PDPR: variants seen among roughly 807,000 people sequenced by gnomAD.
PDPR encodes pyruvate dehydrogenase phosphatase regulatory subunit, mitochondrial.
A neutral mutation model predicts 102.2 loss-of-function variants in PDPR; 50 were observed. The observed-to-expected ratio is 0.49, with a 90% CI of 0.39 to 0.62. The LOEUF is 0.62. PDPR is among the 20% of genes least tolerant of loss of function. PDPR has a pLI of 0.00. For synonymous variants in PDPR, 259 were observed against 406.0 expected (o/e 0.64, Z 4.35); for missense variants, 625 against 1,098.2 (o/e 0.57, Z 6.09).
chr16:70,160,387 C>A lies in PDPR; in HGVS notation c.*3508C>A. The A allele has an allele frequency of 6.5e-6, 1 of 153,082 alleles. No homozygotes were observed. Among genetic ancestry groups the A allele is most frequent in the Non-Finnish European group, 1.5e-5 (1 of 68,556 alleles). The allele number at this position is 153,082 out of a possible 1,614,324, so 9.5% of individuals were successfully genotyped here. Reference sequence around the variant, plus strand: ...CTCCTTTCACCTTGCATTGCTGTCACAGCACCTTGTATGATGGCAGGACAG... The same window carrying A: ...CTCCTTTCACCTTGCATTGCTGTCAAAGCACCTTGTATGATGGCAGGACAG... On this transcript the variant is annotated 3_prime_UTR_variant, in exon 19 of 19. Transcript: ENST00000288050.
At chr16:70,148,581 CCTTCA>C (rs757209414) in intron 17 of PDPR, 28 bp downstream of exon 17, 255 of 1,505,720 alleles carry the variant, frequency 1.7e-4, no homozygotes, top group African/African-American at 7.1e-4. Context: ...CCTTCCCTTC[CCTTCA>C]CTTCCCTTCC....
chr16:70,148,590 C>T (rs71399995), intron 17 of PDPR, 37 bp downstream of exon 17: 3 of 211,386 alleles, frequency 1.4e-5, no homozygotes, highest in Non-Finnish European at 2.4e-5. Context: ...CCCTTCACTT[C>T]CCTTCCCTTC....
chr16:70,121,647 A>G (rs1193534532), intron 3 of PDPR, among the ~76,000 whole-genome samples: 1 of 152,066 alleles, frequency 6.6e-6, no homozygotes, highest in Non-Finnish European at 1.5e-5. Context: ...AGCAGAGATC[A>G]TGCCACTGCA....
Position 70,159,784 on chromosome 16 carries a change from A to C in PDPR, c.*2905A>C, listed in dbSNP as rs1728448735. The C allele has an allele frequency of 6.5e-6, 1 of 152,828 alleles. No homozygotes were observed. Among genetic ancestry groups the C allele is most frequent in the African/African-American group, 2.4e-5 (1 of 41,484 alleles). 9.5% of individuals were successfully genotyped at this position (152,828 alleles called of 1,614,324 possible). On this transcript the variant is annotated 3_prime_UTR_variant, in exon 19 of 19. Coordinates refer to ENST00000288050, the MANE Select transcript of PDPR (RefSeq NM_017990.5). Reference sequence around the variant, plus strand: ...TTGAGTGAACAGGGGAGGCCAGTAGATGCCCCAGATCCAGAGCCGTGGCTG... The same window carrying C: ...TTGAGTGAACAGGGGAGGCCAGTAGCTGCCCCAGATCCAGAGCCGTGGCTG...
intron 17 of PDPR, among the ~76,000 whole-genome samples, chr16:70,152,966 C>T (rs1008309322): frequency 9.8e-5 from 15 of 152,364 alleles, no homozygotes; most frequent in South Asian, 2.1e-4. Context: ...TGGGCCAGTA[C>T]GTGAGGGAGT....
At chr16:70,115,962 C>T (rs1962595804) in intron 2 of PDPR, among the ~76,000 whole-genome samples, 1 of 151,996 alleles carries the variant, frequency 6.6e-6, no homozygotes, top group Non-Finnish European at 1.5e-5. Flanking sequence ...AGGCACTAGA[C>T]TCTGGTGCCT....
intron 18 of PDPR, 100 bp from the exon 19 acceptor site, chr16:70,156,374 GC>G: frequency 1.4e-6 from 2 of 1,400,878 alleles, no homozygotes; most frequent in Non-Finnish European, 9.7e-7. Flanking sequence ...AGGCGGCTGT[GC>G]CCCATTGCAG....
intron 6 of PDPR, among the ~76,000 whole-genome samples, chr16:70,130,143 A>G (rs1964389747): frequency 1.3e-5 from 2 of 152,224 alleles, no homozygotes; most frequent in African/African-American, 4.8e-5. Context: ...AAATACTAAA[A>G]TTAGCCGGGC....
Position 70,156,987 on chromosome 16 carries a change from C to T in PDPR, c.*108C>T. ...TGTTCCTCTTCTGGAGCCTTTGCCTCCCATCTCTTATCTCCTTGATATAAT... is the reference window on the plus strand; with the variant it reads ...TGTTCCTCTTCTGGAGCCTTTGCCTTCCATCTCTTATCTCCTTGATATAAT... On this transcript the variant is annotated 3_prime_UTR_variant, in exon 19 of 19. Coordinates refer to ENST00000288050, the MANE Select transcript of PDPR (RefSeq NM_017990.5). 3 of 1,443,548 alleles carry T rather than the reference C, an allele frequency of 2.1e-6. No individual in the cohort carries two copies. Among genetic ancestry groups the T allele is most frequent in the Non-Finnish European group, 2.9e-6 (3 of 1,050,858 alleles). 89.4% of individuals were successfully genotyped at this position (1,443,548 alleles called of 1,614,324 possible).
chr16:70,115,371 C>G (rs1221950255), intron 2 of PDPR, among the ~76,000 whole-genome samples: 1 of 152,206 alleles, frequency 6.6e-6, no homozygotes, highest in Admixed American at 6.5e-5. Context: ...ATTCTCCCGC[C>G]TCAGCCTCCC....
rs1428868995 is a variant in PDPR, at chr16:70,153,374, T to C, written c.2053-17T>C. On this transcript the variant is annotated splice_polypyrimidine_tract_variant and intron_variant, in intron 17 of 18. Transcript: ENST00000288050. ...CTGAAGGTCTGCTGCTTATGAACTT[T>C]CTGTCTCTTCCTATAGTACGCCCTG... 6.2e-7 allele frequency: 1 copy of C among 1,606,068 alleles called. No individual in the cohort carries two copies. The highest frequency in any genetic ancestry group is 8.5e-7 in the Non-Finnish European group (1 of 1,176,178).
chr16:70,156,612 G>A lies in PDPR; in HGVS notation c.2373G>A (p.Arg791=). 1 of 1,614,098 alleles carries A rather than the reference G, an allele frequency of 6.2e-7. No individual in the cohort carries two copies. Among genetic ancestry groups the A allele is most frequent in the South Asian group, 1.1e-5 (1 of 91,086 alleles). The change falls in exon 19 of 19, where the codon CGG becomes CGA. Residue 791 remains arginine (R), a synonymous_variant. Transcript: ENST00000288050. ...CTTGGTGGGGAGAGCCCATTTACCG[G>A]AATGGGCAGTATGTTGGCAAGACCA... ...LWPWWGEPIY[R]NGQYVGKTTS... is the part of the protein sequence containing the mutation.
chr16:70,126,291 A>G (rs549815819), intron 3 of PDPR, among the ~76,000 whole-genome samples: 11 of 152,290 alleles, frequency 7.2e-5, no homozygotes, highest in Admixed American at 1.3e-4. Flanking sequence ...AGCTCACTGC[A>G]GCCGCAAACT....
intron 11 of PDPR, among the ~76,000 whole-genome samples, chr16:70,141,139 T>A (rs1244686842): frequency 6.6e-6 from 1 of 152,226 alleles, no homozygotes; most frequent in Non-Finnish European, 1.5e-5. Flanking sequence ...CTGCAACCTC[T>A]GCCTCCTGGG....
At position 70,143,483 on chromosome 16, in the gene PDPR, T is replaced by A. The variant is rs569770011; in HGVS notation, c.1606-27T>A. ...CAGCCAGGTGCTCTCACGCTCACTC[T>A]CTCTGTTTCATTCCCTAACCCTGCA... is the stretch of plus-strand genomic sequence containing the variant. On this transcript the variant is annotated intron_variant, in intron 13 of 18. Transcript: ENST00000288050. 6.5e-4 allele frequency: 1,048 copies of A among 1,611,026 alleles called. 5 individuals are homozygous for A. The Admixed American group carries it at 0.017, about 26-fold the overall frequency.
chr16:70,156,435 G>T (rs1423777513), intron 18 of PDPR, 40 bp from the exon 19 acceptor site: 2 of 1,604,992 alleles, frequency 1.2e-6, no homozygotes, highest in Non-Finnish European at 1.7e-6. Context: ...CCGAGGGTCT[G>T]AGTGTCGCTG....
chr16:70,143,946 CA>C, intron 14 of PDPR, among the ~76,000 whole-genome samples: 1 of 152,130 alleles, frequency 6.6e-6, no homozygotes, highest in East Asian at 1.9e-4. Context: ...GGCTGGAGTG[CA>C]GTGATGCGAT....
At position 70,131,379 on chromosome 16, in the gene PDPR, G is replaced by C. The variant is rs1207451422; in HGVS notation, c.807G>C (p.Leu269=). 2 of 1,528,486 alleles carry C rather than the reference G, an allele frequency of 1.3e-6. No homozygotes were observed. Among genetic ancestry groups the C allele is most frequent in the Non-Finnish European group, 1.8e-6 (2 of 1,117,984 alleles). The allele number at this position is 1,528,486 out of a possible 1,614,324, so 94.7% of individuals were successfully genotyped here. ...PLHACEHFYL[L]TRPLETPLQS... Reference sequence around the variant, plus strand: ...ATGCCTGCGAACACTTCTACCTCCTGACTCGCCCCTTGGAGACCCCTCTGC... The same window carrying C: ...ATGCCTGCGAACACTTCTACCTCCTCACTCGCCCCTTGGAGACCCCTCTGC... Residue 269 remains leucine (L), a synonymous_variant, in exon 8 of 19, where the codon CTG becomes CTC. Transcript: ENST00000288050.
rs1298603109 is a variant in PDPR at position 70,148,502 on chromosome 16, G to A, written c.2001G>A (p.Met667Ile). The change falls in exon 17 of 19, where the codon ATG becomes ATA. Residue 667 changes from methionine (M) to isoleucine (I), a missense_variant. Around this residue, in one of 11 missense-constraint regions of PDPR, gnomAD observed 36 missense variants for 62.8 expected, o/e 0.57. Transcript: ENST00000288050. ...SVGYANGIRV[M>I]SMTHTGEPGF... The stretch of plus-strand genomic sequence containing the variant: ...GCTATGCAAATGGGATCCGGGTGAT[G>A]AGCATGACGCACACAGGAGAGCCAG... The A allele has an allele frequency of 1.2e-6, 2 of 1,613,610 alleles. No individual in the cohort carries two copies. Among genetic ancestry groups the A allele is most frequent in the Admixed American group, 1.7e-5 (1 of 59,984 alleles).
Sources: allele counts gnomAD v4.1 joint callset (sites outside exome capture counted in the v4.1 genomes callset), GRCh38; gene constraint gnomAD v4.1.1; regional missense constraint gnomAD v4.1.1; transcripts MANE v1.5; gene names NCBI Gene and HGNC (gene_info 2026-07-23, HGNC 2026-07-21).